MAP2: variants seen among roughly 807,000 people sequenced by gnomAD.
MAP2 encodes microtubule-associated protein 2.
A neutral mutation model predicts 137.6 loss-of-function variants in MAP2; 14 were observed. The ratio of observed to expected loss-of-function variants is 0.10; its 90% CI spans 0.07 to 0.16. The LOEUF (loss-of-function observed/expected upper bound fraction) is 0.16. Among genes scored for constraint, MAP2 ranks in the 10% least tolerant of loss-of-function variants. The pLI is 1.00. For synonymous variants in MAP2, 786 were observed against 782.3 expected, an observed-to-expected ratio of 1.00 and a Z score of -0.08; for missense variants, 2,088 against 2,191.5, an observed-to-expected ratio of 0.95 and a Z score of 0.94.
Position 209,694,055 on chromosome 2 carries a change from A to G in MAP2, c.1885A>G (p.Ser629Gly), listed in dbSNP as rs1583651176. 6.2e-7 allele frequency: 1 copy of G among 1,613,444 alleles called. No individual in the cohort carries two copies. ...TCAAACAGGAAAAGAATCCCAGCCC[A>G]GTCCTCCAGCACAAGAAGCAGGGTA... ...EFQTGKESQP[S>G]PPAQEAGYST... The change falls in exon 8 of 16, where the codon AGT becomes GGT. Residue 629 changes from serine (S) to glycine (G), a missense_variant. By Grantham distance (56) the Ser-to-Gly change is moderately conservative (BLOSUM62 0). This residue lies in a region of MAP2 where 859 missense variants were observed against 794.5 expected (regional missense o/e 1.08). Coordinates refer to ENST00000682079, the MANE Select transcript of MAP2 (RefSeq NM_001375505.1).
At chr2:209,573,340 C>T (rs1184064781) in intron 2 of MAP2, among the ~76,000 whole-genome samples, 2 of 133,612 alleles carry the variant, frequency 1.5e-5, no homozygotes. Flanking sequence ...ATTGCCCAGG[C>T]TGGAGTGCAG....
intron 1 of MAP2, among the ~76,000 whole-genome samples, chr2:209,447,700 C>G (rs1365459164): frequency 6.6e-6 from 1 of 152,034 alleles, no homozygotes; most frequent in Non-Finnish European, 1.5e-5. Context: ...ATTATTCAAG[C>G]CAGTGTCAGG....
chr2:209,693,880 C>A lies in MAP2; in HGVS notation c.1710C>A (p.Ser570=). The A allele has an allele frequency of 6.2e-7, 1 of 1,611,990 alleles. No individual in the cohort carries two copies. The highest frequency in any genetic ancestry group is 8.5e-7 in the Non-Finnish European group (1 of 1,179,388). ...MPFYEDKSGM[S]KYFETSALKE... Reference sequence around the variant, plus strand: ...TTTATGAAGATAAATCAGGAATGTCCAAGTACTTTGAAACATCTGCCTTGA... The same window carrying A: ...TTTATGAAGATAAATCAGGAATGTCAAAGTACTTTGAAACATCTGCCTTGA... Residue 570 remains serine (S), a synonymous_variant, in exon 8 of 16, where the codon TCC becomes TCA. Coordinates refer to ENST00000682079, the MANE Select transcript of MAP2 (RefSeq NM_001375505.1).
intron 1 of MAP2, among the ~76,000 whole-genome samples, chr2:209,488,138 C>G (rs2058623441): frequency 6.6e-6 from 1 of 152,128 alleles, no homozygotes; most frequent in South Asian, 2.1e-4. Context: ...GGAGGTCGAG[C>G]AGAAGCAGGG....
intron 1 of MAP2, among the ~76,000 whole-genome samples, chr2:209,487,002 T>C (rs544733569): frequency 2.6e-5 from 4 of 152,338 alleles, no homozygotes; most frequent in African/African-American, 7.2e-5. Flanking sequence ...AGTGTATAGA[T>C]TCCATTAGAA....
At chr2:209,685,161 G>T in intron 7 of MAP2, among the ~76,000 whole-genome samples, 1 of 152,132 alleles carries the variant, frequency 6.6e-6, no homozygotes, top group Middle Eastern at 3.4e-3. Context: ...CTGCAATCAC[G>T]GTTGCACTAC....
intron 3 of MAP2, among the ~76,000 whole-genome samples, chr2:209,606,925 T>G (rs752078373): frequency 6.6e-5 from 10 of 152,222 alleles, no homozygotes; most frequent in Non-Finnish European, 1.5e-4. Context: ...ATATTAAATA[T>G]ATCATTTTCT....
chr2:209,646,641 C>T (rs778413722), intron 4 of MAP2, among the ~76,000 whole-genome samples: 6 of 152,036 alleles, frequency 3.9e-5, no homozygotes, highest in African/African-American at 7.2e-5. Flanking sequence ...AAAGAGTTTC[C>T]GAGAGTCTAC....
At chr2:209,645,321 A>C (rs745470485) in intron 4 of MAP2, among the ~76,000 whole-genome samples, 1 of 152,224 alleles carries the variant, frequency 6.6e-6, no homozygotes, top group Admixed American at 6.5e-5. Flanking sequence ...ATAACCAACC[A>C]AAATATGTTA....
At chr2:209,511,675 GTCCTC>G (rs2061738988) in intron 2 of MAP2, among the ~76,000 whole-genome samples, 1 of 152,020 alleles carries the variant, frequency 6.6e-6, no homozygotes, top group East Asian at 1.9e-4. Context: ...GGCTCAAGTT[GTCCTC>G]TCATCTCAGC....
chr2:209,545,878 C>T (rs113317400), intron 2 of MAP2, among the ~76,000 whole-genome samples: 1 of 152,184 alleles, frequency 6.6e-6, no homozygotes, highest in Non-Finnish European at 1.5e-5. Context: ...TGGTGGCTCA[C>T]GCCTGTAATC....
intron 6 of MAP2, among the ~76,000 whole-genome samples, chr2:209,679,336 TA>T (rs2053436465): frequency 2.0e-5 from 2 of 98,070 alleles, no homozygotes; most frequent in Non-Finnish European, 3.7e-5. Context: ...GATAGATAGA[TA>T]GATAGATAGA....
In MAP2 at chr2:209,460,862, C is replaced by T. The variant is rs1174957554; in HGVS notation, c.-222+36586C>T. Among the ~76,000 whole-genome samples, 14 of 152,012 alleles carry T rather than the reference C, an allele frequency of 9.2e-5. 1 individual carries two copies. The highest frequency in any genetic ancestry group is 8.5e-4 in the Admixed American group (13 of 15,258). On this transcript the variant is annotated intron_variant, in intron 1 of 15. Transcript: ENST00000682079. ...CTCCCGGGTTCAAGTGATTCTCCTG[C>T]CTCAGCCTCCCGAGTAGCTGGGATT...
intron 2 of MAP2, among the ~76,000 whole-genome samples, chr2:209,544,048 T>A (rs1369807070): frequency 6.6e-6 from 1 of 152,094 alleles, no homozygotes; most frequent in Non-Finnish European, 1.5e-5. Context: ...GCTAACATGA[T>A]GAAACCCTGT....
At chr2:209,468,653 T>TA (rs1704834341) in intron 1 of MAP2, among the ~76,000 whole-genome samples, 1 of 152,148 alleles carries the variant, frequency 6.6e-6, no homozygotes, top group South Asian at 2.1e-4. Context: ...CACAAAGTCT[T>TA]ACGTTGAGTT....
At chr2:209,602,734 A>G (rs1054709325) in intron 3 of MAP2, among the ~76,000 whole-genome samples, 1 of 152,234 alleles carries the variant, frequency 6.6e-6, no homozygotes, top group Non-Finnish European at 1.5e-5. Context: ...GATTCTGAGC[A>G]TGCCAAAACT....
chr2:209,570,682 G>C (rs545663435), intron 2 of MAP2, among the ~76,000 whole-genome samples: 1 of 151,954 alleles, frequency 6.6e-6, no homozygotes, highest in African/African-American at 2.4e-5. Flanking sequence ...AAAGGAAAGA[G>C]CTTTATGACA....
chr2:209,512,556 TACACAC>T (rs150144839), intron 2 of MAP2, among the ~76,000 whole-genome samples: 1,461 of 144,900 alleles, frequency 0.01, 15 homozygotes, highest in African/African-American at 0.035. Flanking sequence ...CCAGAAGTTA[TACACAC>T]ACACACACAC....
chr2:209,605,093 A>C (rs550660735), intron 3 of MAP2, among the ~76,000 whole-genome samples: 1 of 152,298 alleles, frequency 6.6e-6, no homozygotes, highest in Admixed American at 6.5e-5. Context: ...CAGATCTGAA[A>C]AAAATATTTA....
Sources: gnomAD v4.1 joint callset for allele counts (sites outside exome capture counted in the v4.1 genomes callset) on GRCh38, gnomAD v4.1.1 for gene constraint, gnomAD v4.1.1 regional missense constraint, MANE v1.5 for transcripts, NCBI Gene and HGNC (gene_info 2026-07-23, HGNC 2026-07-21) for gene names.